SLC44A5: variants seen among roughly 807,000 people sequenced by gnomAD.
The protein encoded by SLC44A5 is choline transporter-like protein 5.
In SLC44A5, 57 loss-of-function variants were observed where a neutral mutation model predicts 101.8. The ratio of observed to expected loss-of-function variants is 0.56; its 90% CI spans 0.45 to 0.70. SLC44A5 has a LOEUF of 0.70. SLC44A5 is among the 30% of genes least tolerant of loss of function. The probability of loss-of-function intolerance (pLI) is 0.00; values close to 1 mark genes in which losing one functional copy is unlikely to be tolerated. For synonymous variants in SLC44A5, 281 were observed against 290.9 expected, an observed-to-expected ratio of 0.97 and a Z score of 0.35; for missense variants, 737 against 853.1, an observed-to-expected ratio of 0.86 and a Z score of 1.70.
At chr1:75,213,596 G>T in intron 22 of SLC44A5, 109 bp downstream of exon 22, 2 of 826,034 alleles carry the variant, frequency 2.4e-6, no homozygotes, top group South Asian at 1.7e-5. Context: ...CTTGATCTTG[G>T]ACTTCCCAGC....
At chr1:75,715,980 TC>T in the SLC44A5 span, among the ~76,000 whole-genome samples, 6,679 of 151,940 alleles carry the variant, frequency 0.044, 506 homozygotes, top group African/African-American at 0.15. Context: ...AGCAAACAAT[TC>T]CGTTAAAAAG....
chr1:75,408,696 T>C (rs1199753775), intron 2 of SLC44A5, among the ~76,000 whole-genome samples: 2 of 117,314 alleles, frequency 1.7e-5, no homozygotes, highest in Non-Finnish European at 3.5e-5. Flanking sequence ...CATCACACAC[T>C]GGGGCCTGTC....
intron 4 of SLC44A5, among the ~76,000 whole-genome samples, chr1:75,307,639 G>C (rs1655008496): frequency 6.6e-6 from 1 of 152,190 alleles, no homozygotes; most frequent in South Asian, 2.1e-4. Flanking sequence ...AGAATCTGGT[G>C]ATTTTTGAGA....
intron 4 of SLC44A5, among the ~76,000 whole-genome samples, chr1:75,325,196 A>G (rs572663779): frequency 6.6e-6 from 1 of 152,288 alleles, no homozygotes; most frequent in South Asian, 2.1e-4. Flanking sequence ...AAGAGGGAAC[A>G]TGTGGACTTG....
In SLC44A5 at chr1:75,531,065, G is replaced by A. The variant is rs1036699720; in HGVS notation, c.13+10370C>T. 2.6e-5 allele frequency among the ~76,000 whole-genome samples: 4 copies of A among 152,084 alleles called. No homozygotes were observed. The East Asian group carries it at 5.8e-4, about 22-fold the overall frequency. ...GCCTATTGCAGCTTTATCAAGATGC[G>A]CTCCACAGGACAATAACATGGGAAG... On this transcript the variant is annotated intron_variant, in intron 2 of 23. Transcript: ENST00000370859.
chr1:75,642,130 T>A, the SLC44A5 span: 1 of 933,856 alleles, frequency 1.1e-6, no homozygotes. Context: ...GTGATATATA[T>A]TAAAACTGCC....
intron 7 of SLC44A5, 120 bp from the exon 8 acceptor site, chr1:75,243,131 G>A: frequency 8.2e-7 from 1 of 1,213,362 alleles, no homozygotes; most frequent in South Asian, 1.9e-5. Context: ...TTCCATCTAA[G>A]AAACCTAAAT....
chr1:75,556,470 T>C (rs1672221380), intron 1 of SLC44A5, among the ~76,000 whole-genome samples: 1 of 152,162 alleles, frequency 6.6e-6, no homozygotes, highest in African/African-American at 2.4e-5. Flanking sequence ...ATAATGATAT[T>C]GGCAAGCCCC....
the SLC44A5 span, among the ~76,000 whole-genome samples, chr1:75,670,811 C>T: frequency 6.6e-6 from 1 of 152,044 alleles, no homozygotes; most frequent in Non-Finnish European, 1.5e-5. Flanking sequence ...CCTGATTATC[C>T]CAATAATAGG....
the SLC44A5 span, chr1:75,641,779 T>C: frequency 1.9e-6 from 3 of 1,567,538 alleles, no homozygotes; most frequent in East Asian, 2.2e-5. Context: ...GTGGAAATCC[T>C]TTAGAGTGCA....
At chr1:75,499,526 G>T (rs905687854) in intron 2 of SLC44A5, among the ~76,000 whole-genome samples, 1 of 152,152 alleles carries the variant, frequency 6.6e-6, no homozygotes, top group African/African-American at 2.4e-5. Context: ...CTGCTCTAAG[G>T]TGTTCACCCA....
chr1:75,323,897 C>T (rs1656375240), intron 4 of SLC44A5, among the ~76,000 whole-genome samples: 1 of 152,176 alleles, frequency 6.6e-6, no homozygotes, highest in African/African-American at 2.4e-5. Flanking sequence ...CAACCAACAA[C>T]TGCCATTTCC....
intron 2 of SLC44A5, among the ~76,000 whole-genome samples, chr1:75,468,615 A>G (rs1666945412): frequency 6.6e-6 from 1 of 152,226 alleles, no homozygotes; most frequent in African/African-American, 2.4e-5. Flanking sequence ...GAAACTAAAA[A>G]TCAAAATAAT....
At chr1:75,550,218 A>G (rs901236464) in intron 1 of SLC44A5, among the ~76,000 whole-genome samples, 2 of 152,142 alleles carry the variant, frequency 1.3e-5, no homozygotes, top group African/African-American at 4.8e-5. Context: ...ATGTAATGAA[A>G]TATTATTTGG....
the SLC44A5 span, among the ~76,000 whole-genome samples, chr1:75,617,788 T>A: frequency 6.6e-6 from 1 of 152,218 alleles, no homozygotes; most frequent in Non-Finnish European, 1.5e-5. Flanking sequence ...CTCTTCTAGG[T>A]CTTCAAATGT....
chr1:75,509,611 T>G (rs1669456113), intron 2 of SLC44A5, among the ~76,000 whole-genome samples: 1 of 152,174 alleles, frequency 6.6e-6, no homozygotes, highest in Non-Finnish European at 1.5e-5. Context: ...AGAGTTATGA[T>G]GTAAGTTATC....
chr1:75,630,416 C>G, the SLC44A5 span, among the ~76,000 whole-genome samples: 337 of 152,264 alleles, frequency 2.2e-3, 3 homozygotes, highest in African/African-American at 7.5e-3. Context: ...CAGCCACCTG[C>G]GTGTTCAGCC....
intron 2 of SLC44A5, among the ~76,000 whole-genome samples, chr1:75,445,426 A>G (rs551953337): frequency 6.6e-6 from 1 of 151,946 alleles, no homozygotes; most frequent in South Asian, 2.1e-4. Context: ...ACTCAGCCTC[A>G]GATATTTTTT....
At chr1:75,473,956 A>T (rs1266375773) in intron 2 of SLC44A5, among the ~76,000 whole-genome samples, 3 of 152,206 alleles carry the variant, frequency 2.0e-5, no homozygotes, top group East Asian at 3.8e-4. Context: ...GAGATATTTT[A>T]GTCCTGATTC....
Sources: gnomAD v4.1 joint callset for allele counts (sites outside exome capture counted in the v4.1 genomes callset) on GRCh38, gnomAD v4.1.1 for gene constraint, MANE v1.5 for transcripts, NCBI Gene and HGNC (gene_info 2026-07-23, HGNC 2026-07-21) for gene names.